Variants in SNAPC3 observed in about 807,000 individuals in gnomAD.
SNAPC3 encodes the protein snRNA-activating protein complex subunit 3.
A neutral mutation model predicts 47.7 loss-of-function variants in SNAPC3; 56 were observed. The observed-to-expected ratio is 1.18, with a 90% confidence interval of 0.95 to 1.47. The LOEUF is 1.47. Ranked by LOEUF, SNAPC3 falls within the 40% of genes most tolerant of loss-of-function variation. The pLI is 0.00. For missense variants in SNAPC3, 665 were observed against 511.3 expected, an observed-to-expected ratio of 1.30 and a Z score of -2.90; for synonymous variants, 235 against 189.9, an observed-to-expected ratio of 1.24 and a Z score of -1.95.
Position 15,455,042 on chromosome 9 carries a change from G to T in SNAPC3, c.980+1837G>T, listed in dbSNP as rs961077051. Among the ~76,000 whole-genome samples, 39 of 152,190 alleles carry T rather than the reference G, an allele frequency of 2.6e-4. 3 individuals carry two copies. The highest frequency in any genetic ancestry group is 2.9e-5 in the Non-Finnish European group (2 of 68,044). On this transcript the variant is annotated intron_variant, in intron 7 of 8. Transcript: ENST00000380821. The stretch of plus-strand genomic sequence containing the variant: ...AACAGATGTCAACTGTGTGGCTTAG[G>T]TAGAAGTAGCAGTAATTCGTCCTGA...
At position 15,450,351 on chromosome 9, in the gene SNAPC3, G is replaced by C. The variant is rs2034297183; in HGVS notation, c.733-969G>C. 2.6e-5 allele frequency among the ~76,000 whole-genome samples: 4 copies of C among 152,100 alleles called. No individual in the cohort carries two copies. The South Asian group carries it at 8.3e-4, about 32-fold the overall frequency. On this transcript the variant is annotated intron_variant, in intron 5 of 8. Transcript: ENST00000380821. ...GGAATGAAGACAAGAAAGAAAAATG[G>C]AAGCTTCAAAGAACTAGGAGAAAAA...
chr9:15,465,051 T>C (rs1587443201), downstream of SNAPC3: 1 of 224,510 alleles, frequency 4.5e-6, no homozygotes, highest in East Asian at 6.6e-5. Context: ...AGAAGTAACA[T>C]TTTATCTACC....
At chr9:15,434,806 T>G (rs1416774219) in intron 3 of SNAPC3, among the ~76,000 whole-genome samples, 1 of 152,254 alleles carries the variant, frequency 6.6e-6, no homozygotes, top group African/African-American at 2.4e-5. Context: ...ATCTATTGTA[T>G]GTATACACCA....
intron 2 of SNAPC3, among the ~76,000 whole-genome samples, chr9:15,426,474 C>T (rs1336737079): frequency 6.6e-6 from 1 of 152,186 alleles, no homozygotes; most frequent in Non-Finnish European, 1.5e-5. Flanking sequence ...CTGCCACACT[C>T]ACTGCTATAT....
At chr9:15,441,540 C>T (rs937914337) in intron 3 of SNAPC3, among the ~76,000 whole-genome samples, 11 of 151,648 alleles carry the variant, frequency 7.3e-5, no homozygotes, top group Admixed American at 2.6e-4. Flanking sequence ...GAGGACCCTG[C>T]GGCCTTCTGC....
downstream of SNAPC3, chr9:15,465,728 G>C (rs2035579392): frequency 1.7e-6 from 1 of 583,132 alleles, no homozygotes; most frequent in Admixed American, 3.6e-5. Flanking sequence ...TATTAGAACA[G>C]TCATTATTAT....
At chr9:15,426,738 A>G (rs1048016669) in intron 2 of SNAPC3, among the ~76,000 whole-genome samples, 5 of 152,198 alleles carry the variant, frequency 3.3e-5, no homozygotes, top group Non-Finnish European at 1.5e-5. Flanking sequence ...TCCCTTGACT[A>G]CTTTGCACTA....
At position 15,434,721 on chromosome 9, in the gene SNAPC3, G is replaced by A. The variant is rs191499656; in HGVS notation, c.477+1085G>A. Among the ~76,000 whole-genome samples the A allele has an allele frequency of 4.6e-5, 7 of 152,064 alleles. No individual in the cohort carries two copies. In the Middle Eastern group the frequency reaches 0.017, roughly 369 times the overall value. ...GCACCCAGCCTATGGCATATTTTAC[G>A]TAGCATAATGTTTTATAGGTTCATC... On this transcript the variant is annotated intron_variant, in intron 3 of 8. Transcript: ENST00000380821.
At position 15,424,012 on chromosome 9, in the gene SNAPC3, CTATT is replaced by C. The variant is rs775609988; in HGVS notation, c.392+33_392+36del. 3.0e-6 allele frequency: 4 copies of C among 1,323,810 alleles called. No individual in the cohort carries two copies. The East Asian group carries it at 7.5e-5, about 25-fold the overall frequency. The allele number at this position is 1,323,810 out of a possible 1,614,324, so 82.0% of individuals were successfully genotyped here. On this transcript the variant is annotated intron_variant, in intron 2 of 8. Coordinates refer to ENST00000380821, the MANE Select transcript of SNAPC3 (RefSeq NM_001039697.2). ...GTATGGAGGACTTGGTTTTTATGAC[CTATT>C]TATTTAAACATTTTTTCAACATTAT... is the stretch of plus-strand genomic sequence containing the variant.
intron 3 of SNAPC3, among the ~76,000 whole-genome samples, chr9:15,434,201 A>G (rs976561981): frequency 1.3e-5 from 2 of 152,180 alleles, no homozygotes; most frequent in East Asian, 3.8e-4. Flanking sequence ...TTAAGTGGCA[A>G]TAAGTACATT....
chr9:15,426,323 A>G (rs1406403364), intron 2 of SNAPC3, among the ~76,000 whole-genome samples: 1 of 152,162 alleles, frequency 6.6e-6, no homozygotes, highest in Non-Finnish European at 1.5e-5. Context: ...TCTTAGCTAA[A>G]GGACTACGGA....
chr9:15,449,627 A>T (rs552392080), intron 5 of SNAPC3, among the ~76,000 whole-genome samples: 2 of 131,952 alleles, frequency 1.5e-5, no homozygotes, highest in African/African-American at 5.8e-5. Flanking sequence ...CTGGAGTGCA[A>T]TGGCACCGTC....
At chr9:15,451,270 C>A in intron 5 of SNAPC3, 50 bp from the exon 6 acceptor site, 3 of 735,362 alleles carry the variant, frequency 4.1e-6, no homozygotes, top group South Asian at 2.1e-5. Flanking sequence ...AGAGCAATTT[C>A]ATCATTGTTA....
chr9:15,431,644 G>A (rs2032161447), intron 2 of SNAPC3, among the ~76,000 whole-genome samples: 1 of 152,096 alleles, frequency 6.6e-6, no homozygotes. Context: ...GAGGGAATGG[G>A]AACAGGTTAG....
chr9:15,435,926 C>G lies in SNAPC3; in HGVS notation c.477+2290C>G, dbSNP rs868188947. On this transcript the variant is annotated intron_variant, in intron 3 of 8. Coordinates refer to ENST00000380821, the MANE Select transcript of SNAPC3 (RefSeq NM_001039697.2). ...TGGAGCAATCTTAGCTCACTGCAAC[C>G]TCCATCTCCCAGGTTCAAGTGATGC... Among the ~76,000 whole-genome samples the G allele has an allele frequency of 6.2e-5, 9 of 145,410 alleles. No homozygotes were observed. The South Asian group carries it at 1.5e-3, about 24-fold the overall frequency.
intron 3 of SNAPC3, among the ~76,000 whole-genome samples, chr9:15,434,646 T>G (rs2131802840): frequency 6.6e-6 from 1 of 152,282 alleles, no homozygotes; most frequent in East Asian, 1.9e-4. Context: ...CCTCAAGCAA[T>G]CTGCCTACTT....
At chr9:15,448,020 G>T (rs1305192654) in intron 5 of SNAPC3, among the ~76,000 whole-genome samples, 1 of 152,086 alleles carries the variant, frequency 6.6e-6, no homozygotes, top group African/African-American at 2.4e-5. Context: ...TTCATCATAG[G>T]GCAGGATTGA....
At chr9:15,466,714 A>G (rs779475899), downstream of SNAPC3, 2 of 1,514,568 alleles carry the variant, frequency 1.3e-6, no homozygotes, top group Non-Finnish European at 1.8e-6. Context: ...GAATAATAAA[A>G]AACACACAAG....
chr9:15,457,691 G>C (rs958694980), intron 7 of SNAPC3, among the ~76,000 whole-genome samples: 1 of 152,138 alleles, frequency 6.6e-6, no homozygotes, highest in East Asian at 1.9e-4. Flanking sequence ...TCCCTCTTAA[G>C]GGGGGATCAC....
Sources: allele counts gnomAD v4.1 joint callset (sites outside exome capture counted in the v4.1 genomes callset), GRCh38; gene constraint gnomAD v4.1.1; transcripts MANE v1.5; gene names NCBI Gene and HGNC (gene_info 2026-07-23, HGNC 2026-07-21).